ODAD3: variants seen among roughly 807,000 people sequenced by gnomAD.
ODAD3 encodes outer dynein arm-docking complex subunit 3.
Under a neutral mutation model 70.9 loss-of-function variants are expected in ODAD3, and 57 were observed. That is an observed-to-expected ratio of 0.80 (90% CI 0.65 to 1.00). ODAD3 has a LOEUF of 1.00. ODAD3 is among the 50% of genes least tolerant of loss of function. The pLI is 0.00. For synonymous variants in ODAD3, 327 were observed against 315.9 expected (o/e 1.04, Z -0.37); for missense variants, 797 against 763.9 (o/e 1.04, Z -0.51).
chr19:11,427,872 G>A (rs1235586763), intron 3 of ODAD3, among the ~76,000 whole-genome samples: 1 of 151,790 alleles, frequency 6.6e-6, no homozygotes, highest in Non-Finnish European at 1.5e-5. Context: ...AGGCCAAGGC[G>A]GGTGGATCAC....
At chr19:11,425,590 T>C (rs1294981758) in intron 7 of ODAD3, among the ~76,000 whole-genome samples, 3 of 140,714 alleles carry the variant, frequency 2.1e-5, no homozygotes, top group Admixed American at 1.4e-4. Flanking sequence ...TATGTATGTA[T>C]ATGTGTATAT....
intron 7 of ODAD3, among the ~76,000 whole-genome samples, chr19:11,425,047 A>ATATATGTG (rs1219246551): frequency 1.6e-5 from 2 of 127,838 alleles, no homozygotes; most frequent in South Asian, 2.3e-4. Context: ...ACATATGTGT[A>ATATATGTG]TATATGTGTA....
chr19:11,429,237 G>C (rs1484698689), intron 3 of ODAD3, among the ~76,000 whole-genome samples: 2 of 150,736 alleles, frequency 1.3e-5, no homozygotes, highest in African/African-American at 4.9e-5. Flanking sequence ...TTGAGACAGA[G>C]TCTCGCTCTG....
rs200660186 is a variant in ODAD3 at position 11,425,357 on chromosome 19, A to G, written c.963+787T>C. Reference sequence around the variant, plus strand: ...TGTGTATATATGTATATATGTGTATATGTACATATGTGTATATATGTGTGT... The same window carrying G: ...TGTGTATATATGTATATATGTGTATGTGTACATATGTGTATATATGTGTGT... On this transcript the variant is annotated intron_variant, in intron 7 of 12. Transcript: ENST00000356392. Among the ~76,000 whole-genome samples, 10 of 135,364 alleles carry G rather than the reference A, an allele frequency of 7.4e-5. 1 individual carries two copies. The highest frequency in any genetic ancestry group is 4.3e-4 in the East Asian group (2 of 4,634). 88.8% of individuals were successfully genotyped at this position (135,364 alleles called of 152,430 possible).
chr19:11,427,180 C>G (rs1457011961), intron 3 of ODAD3, 140 bp from the exon 4 acceptor site: 3 of 900,376 alleles, frequency 3.3e-6, no homozygotes, highest in Non-Finnish European at 3.3e-6. Flanking sequence ...CTGGCCACCC[C>G]TTCTGTGTTG....
chr19:11,425,179 ATG>A lies in ODAD3; in HGVS notation c.963+963_963+964del, dbSNP rs1173841627. 6.8e-4 allele frequency among the ~76,000 whole-genome samples: 94 copies of A among 137,630 alleles called. 3 individuals are homozygous for A. The highest frequency in any genetic ancestry group is 1.9e-3 in the Admixed American group (27 of 14,262). 90.3% of individuals were successfully genotyped at this position (137,630 alleles called of 152,430 possible). ...TATATACATATGTGTATATGTACAT[ATG>A]TGTATATATACATATGTGTATGTGT... On this transcript the variant is annotated intron_variant, in intron 7 of 12. Coordinates refer to ENST00000356392, the MANE Select transcript of ODAD3 (RefSeq NM_145045.5).
chr19:11,423,739 G>A, intron 8 of ODAD3, 138 bp downstream of exon 8: 1 of 817,416 alleles, frequency 1.2e-6, no homozygotes, highest in Non-Finnish European at 1.9e-6. Context: ...TTTCAAGAAA[G>A]GAGCAGGTTT....
At chr19:11,425,465 A>ATATGTATATATACATATATGTGTGTGTG (rs1969327694) in intron 7 of ODAD3, among the ~76,000 whole-genome samples, 9 of 132,224 alleles carry the variant, frequency 6.8e-5, no homozygotes, top group Non-Finnish European at 1.2e-4. Context: ...ATGTGTGTGT[A>ATATGTATATATACATATATGTGTGTGTG]TATATGTATA....
chr19:11,424,066 G>C, intron 7 of ODAD3, 37 bp from the exon 8 acceptor site: 1 of 1,589,716 alleles, frequency 6.3e-7, no homozygotes, highest in Non-Finnish European at 8.5e-7. Context: ...GGGTCAGCTG[G>C]TGGACAGCGC....
Position 11,422,687 on chromosome 19 carries a change from C to G in ODAD3, c.1277+14G>C, listed in dbSNP as rs763520573. On this transcript the variant is annotated intron_variant, in intron 9 of 12. Transcript: ENST00000356392. The surrounding 1 kb of genome is among the most constrained non-coding windows in gnomAD (Gnocchi z 4.6). ...GCCCGCCCCGCCGCCCTCCCCAGAG[C>G]CCCGGTGCCTCACCTCACCAGCGTG... 2.5e-6 allele frequency: 4 copies of G among 1,610,824 alleles called. No individual in the cohort carries two copies. The highest frequency in any genetic ancestry group is 3.4e-6 in the Non-Finnish European group (4 of 1,179,020).
intron 11 of ODAD3, 30 bp from the exon 12 acceptor site, chr19:11,421,242 G>A (rs779500232): frequency 1.3e-6 from 2 of 1,597,480 alleles, no homozygotes; most frequent in Non-Finnish European, 1.7e-6. Flanking sequence ...GAGAGAGGAA[G>A]GTGGGCGGGG....
rs371246808 is a variant in ODAD3 at position 11,421,837 on chromosome 19, G to A, written c.1435-5C>T. 6.2e-7 allele frequency: 1 copy of A among 1,611,664 alleles called. No individual in the cohort carries two copies. Among genetic ancestry groups the A allele is most frequent in the South Asian group, 1.1e-5 (1 of 90,956 alleles). ...TCCCGCGAAGCGGCCGTCCTCCTGC[G>A]GCCAGGGTAGAGCCGGGTCAGCCGA... On this transcript the variant is annotated splice_region_variant and splice_polypyrimidine_tract_variant and intron_variant, in intron 10 of 12. Transcript: ENST00000356392.
Position 11,422,095 on chromosome 19 carries a change from C to T in ODAD3, c.1435-263G>A, listed in dbSNP as rs1443955510. On this transcript the variant is annotated intron_variant, in intron 10 of 12. Transcript: ENST00000356392. The surrounding 1 kb of genome is among the most constrained non-coding windows in gnomAD (Gnocchi z 4.6). ...TTCGAGGGAGGCCATTGTGGGATGG[C>T]CTCCTGAAGAAATGGCCCTCTGCTG... 1.3e-5 allele frequency among the ~76,000 whole-genome samples: 2 copies of T among 152,188 alleles called. No individual in the cohort carries two copies. Among genetic ancestry groups the T allele is most frequent in the Admixed American group, 6.5e-5 (1 of 15,290 alleles).
At chr19:11,434,231 C>T (rs1381386346) in intron 1 of ODAD3, among the ~76,000 whole-genome samples, 1 of 137,580 alleles carries the variant, frequency 7.3e-6, no homozygotes, top group African/African-American at 3.0e-5. Flanking sequence ...AAAAACAAAA[C>T]AAAAAAAAAC....
intron 7 of ODAD3, among the ~76,000 whole-genome samples, chr19:11,425,654 TA>T (rs1352562589): frequency 1.8e-5 from 2 of 109,526 alleles, no homozygotes; most frequent in Non-Finnish European, 3.3e-5. Context: ...TATATACGTA[TA>T]TATATATATA....
At chr19:11,426,074 G>C in intron 7 of ODAD3, 70 bp downstream of exon 7, 1 of 1,551,358 alleles carries the variant, frequency 6.4e-7, no homozygotes, top group Non-Finnish European at 8.7e-7. Context: ...GGATGAGGGA[G>C]AGCCAGGGCA....
At chr19:11,429,008 G>A (rs1036668431) in intron 3 of ODAD3, among the ~76,000 whole-genome samples, 1 of 151,754 alleles carries the variant, frequency 6.6e-6, no homozygotes, top group African/African-American at 2.4e-5. Flanking sequence ...CTCCTGAGTA[G>A]CTGGGATTAC....
At chr19:11,425,173 GTACATATGTGTATATA>G (rs1367312881) in intron 7 of ODAD3, among the ~76,000 whole-genome samples, 6 of 134,622 alleles carry the variant, frequency 4.5e-5, no homozygotes, top group East Asian at 4.5e-4. Context: ...ATGTGTATAT[GTACATATGTGTATATA>G]TACATATGTG....
At chr19:11,426,119 GGCGC>G (rs1969365629) in intron 7 of ODAD3, 21 bp downstream of exon 7, 1 of 1,597,504 alleles carries the variant, frequency 6.3e-7, no homozygotes, top group Non-Finnish European at 8.5e-7. Context: ...TGGAGTCACA[GGCGC>G]GCACCCCTGG....
Sources: gnomAD v4.1 joint callset for allele counts (sites outside exome capture counted in the v4.1 genomes callset) on GRCh38, gnomAD v4.1.1 for gene constraint, Gnocchi (gnomAD v3.1) non-coding constraint, MANE v1.5 for transcripts, NCBI Gene and HGNC (gene_info 2026-07-23, HGNC 2026-07-21) for gene names.